CSMD3: variants seen among roughly 807,000 people sequenced by gnomAD.
The protein encoded by CSMD3 is CUB and sushi domain-containing protein 3.
In CSMD3, 177 loss-of-function variants were observed where a neutral mutation model predicts 435.2. That is an observed-to-expected ratio of 0.41 (90% CI 0.36 to 0.46). The LOEUF (loss-of-function observed/expected upper bound fraction) is 0.46, where lower values mean the gene tolerates loss of function less well. CSMD3 is among the 20% of genes least tolerant of loss of function. CSMD3 has a pLI of 0.34. For missense variants in CSMD3, 4,265 were observed against 4,504.6 expected, an observed-to-expected ratio of 0.95 and a Z score of 1.52; for synonymous variants, 1,656 against 1,520.5, an observed-to-expected ratio of 1.09 and a Z score of -2.07.
chr8:113,154,893 G>C (rs2091901900), intron 4 of CSMD3, among the ~76,000 whole-genome samples: 1 of 151,980 alleles, frequency 6.6e-6, no homozygotes, highest in African/African-American at 2.4e-5. Flanking sequence ...ATTCACATGT[G>C]AACATAAGAA....
intron 61 of CSMD3, among the ~76,000 whole-genome samples, chr8:112,261,738 T>G (rs1157574752): frequency 6.6e-6 from 1 of 151,970 alleles, no homozygotes; most frequent in Non-Finnish European, 1.5e-5. Context: ...TACCAACTAG[T>G]TTTGCAAGTG....
Position 112,369,999 on chromosome 8 carries a change from A to AGAG in CSMD3, c.6136+10352_6136+10353insCTC, listed in dbSNP as rs1268253661. ...AAGAAGAGAAAGAGGAAGAGGAAGA[A>AGAG]GAAGAGGAAGAGGAAGAAGAAGAGG... On this transcript the variant is annotated intron_variant, in intron 38 of 70. Transcript: ENST00000297405. Among the ~76,000 whole-genome samples, 95 of 119,542 alleles carry AGAG rather than the reference A, an allele frequency of 7.9e-4. 20 individuals carry two copies. The highest frequency in any genetic ancestry group is 3.0e-3 in the South Asian group (11 of 3,676). 78.4% of individuals were successfully genotyped at this position (119,542 alleles called of 152,430 possible).
At chr8:112,914,427 G>T (rs1208691456) in intron 10 of CSMD3, among the ~76,000 whole-genome samples, 5 of 151,716 alleles carry the variant, frequency 3.3e-5, no homozygotes, top group African/African-American at 9.7e-5. Context: ...GTGAGTATCT[G>T]CCATGTGCCA....
chr8:112,881,353 G>T (rs566728263), intron 10 of CSMD3, among the ~76,000 whole-genome samples: 1 of 152,088 alleles, frequency 6.6e-6, no homozygotes, highest in East Asian at 1.9e-4. Flanking sequence ...ATAATGGAAG[G>T]CATGGTAAAG....
chr8:112,722,987 A>G (rs2076891660), intron 13 of CSMD3, among the ~76,000 whole-genome samples: 1 of 151,960 alleles, frequency 6.6e-6, no homozygotes, highest in Non-Finnish European at 1.5e-5. Flanking sequence ...TTTAGATGAC[A>G]TATTTTTGTG....
chr8:112,979,860 T>C (rs375999105), intron 6 of CSMD3, among the ~76,000 whole-genome samples: 5 of 151,242 alleles, frequency 3.3e-5, no homozygotes, highest in East Asian at 3.9e-4. Flanking sequence ...AATATGAACT[T>C]ATCTGAAATA....
intron 38 of CSMD3, among the ~76,000 whole-genome samples, chr8:112,372,628 T>C (rs1393434636): frequency 1.3e-5 from 2 of 152,158 alleles, no homozygotes; most frequent in African/African-American, 2.4e-5. Flanking sequence ...GGAGGGCGGA[T>C]TGCCTGAGCA....
At chr8:112,957,896 C>A (rs1269113123) in intron 7 of CSMD3, among the ~76,000 whole-genome samples, 1 of 151,974 alleles carries the variant, frequency 6.6e-6, no homozygotes, top group South Asian at 2.1e-4. Flanking sequence ...CAAGCGCGCA[C>A]CACCGCGCCC....
chr8:112,600,735 G>T (rs1426764625), intron 22 of CSMD3, among the ~76,000 whole-genome samples: 1 of 151,698 alleles, frequency 6.6e-6, no homozygotes, highest in African/African-American at 2.4e-5. Flanking sequence ...ACCCATGCTG[G>T]AGTGCGATCT....
Position 112,685,550 on chromosome 8 carries a change from C to T in CSMD3, c.2338G>A (p.Gly780Ser), listed in dbSNP as rs763818324. The stretch of plus-strand genomic sequence containing the variant: ...AGAATTGGGGATTCTGGAGAGTCAC[C>T]ATCTTTAACAGCAAGGAAATCAAAC... ...SQFDFLAVKD[G>S]DSPESPILGT... Residue 780 changes from glycine to serine, a missense_variant, in exon 15 of 71, where the codon GGT becomes AGT. Coordinates refer to ENST00000297405, the MANE Select transcript of CSMD3 (RefSeq NM_198123.2). The T allele has an allele frequency of 1.2e-6, 2 of 1,613,988 alleles. No homozygotes were observed. The highest frequency in any genetic ancestry group is 1.7e-6 in the Non-Finnish European group (2 of 1,179,946).
At chr8:112,594,279 C>A (rs1831471353) in intron 22 of CSMD3, among the ~76,000 whole-genome samples, 1 of 152,188 alleles carries the variant, frequency 6.6e-6, no homozygotes, top group Non-Finnish European at 1.5e-5. Context: ...AAAATCGGGT[C>A]ACTCCCACTC....
chr8:112,223,304 C>T lies in CSMD3; in HGVS notation c.*1467G>A, dbSNP rs1218425159. On this transcript the variant is annotated 3_prime_UTR_variant, in exon 71 of 71. Transcript: ENST00000297405. ...ATGTTGTAGAGATAGAGCCAAGCAGCGCTCCCAGGTGCAAGGGTTTCTCTT... is the reference window on the plus strand; with the variant it reads ...ATGTTGTAGAGATAGAGCCAAGCAGTGCTCCCAGGTGCAAGGGTTTCTCTT... 2.5e-5 allele frequency: 9 copies of T among 358,066 alleles called. No individual in the cohort carries two copies. The highest frequency in any genetic ancestry group is 1.5e-4 in the South Asian group (1 of 6,604). The allele number at this position is 358,066 out of a possible 1,614,324, so 22.2% of individuals were successfully genotyped here.
intron 13 of CSMD3, among the ~76,000 whole-genome samples, chr8:112,784,502 C>A (rs987527725): frequency 2.0e-5 from 3 of 151,260 alleles, no homozygotes; most frequent in Non-Finnish European, 4.4e-5. Context: ...CAAAAAGAAG[C>A]AAAATAAACA....
chr8:112,587,059 C>A lies in CSMD3; in HGVS notation c.3885+7G>T, dbSNP rs774679650. On this transcript the variant is annotated splice_region_variant and intron_variant, in intron 23 of 70. Coordinates refer to ENST00000297405, the MANE Select transcript of CSMD3 (RefSeq NM_198123.2). ...AACAATATACAAGTATGTCTGAGTT[C>A]ACCTACCTTAAGAACATCTCCTTGT... 11 of 1,604,312 alleles carry A rather than the reference C, an allele frequency of 6.9e-6. No individual in the cohort carries two copies. In the South Asian group the frequency reaches 7.7e-5, roughly 11 times the overall value.
At chr8:112,501,944 C>T (rs989545751) in intron 30 of CSMD3, among the ~76,000 whole-genome samples, 8 of 151,926 alleles carry the variant, frequency 5.3e-5, no homozygotes, top group Admixed American at 2.6e-4. Context: ...CAGAAGGATA[C>T]ATACATAATA....
chr8:112,237,403 A>C, intron 66 of CSMD3, 55 bp from the exon 67 acceptor site: 5 of 1,232,648 alleles, frequency 4.1e-6, no homozygotes, highest in Non-Finnish European at 6.0e-6. Context: ...TATAAATATA[A>C]GCATTAAATA....
chr8:113,319,457 T>C (rs570947668), intron 1 of CSMD3, among the ~76,000 whole-genome samples: 1 of 152,150 alleles, frequency 6.6e-6, no homozygotes, highest in Admixed American at 6.5e-5. Context: ...TCTGGATATA[T>C]TAACCCCTTA....
At position 112,307,428 on chromosome 8, in the gene CSMD3, C is replaced by T. The variant is rs186498059; in HGVS notation, c.7886-1236G>A. On this transcript the variant is annotated intron_variant, in intron 50 of 70. Coordinates refer to ENST00000297405, the MANE Select transcript of CSMD3 (RefSeq NM_198123.2). The stretch of plus-strand genomic sequence containing the variant: ...TCCTGAGTATCTGGGACTACAGGCA[C>T]GCATCACCAGGTCCGGCTAATATTT... 1.8e-3 allele frequency among the ~76,000 whole-genome samples: 269 copies of T among 152,082 alleles called. 1 individual carries two copies. Among genetic ancestry groups the T allele is most frequent in the African/African-American group, 6.2e-3 (259 of 41,480 alleles).
intron 40 of CSMD3, among the ~76,000 whole-genome samples, chr8:112,346,812 G>A (rs1478357931): frequency 6.6e-6 from 1 of 150,834 alleles, no homozygotes; most frequent in Non-Finnish European, 1.5e-5. Flanking sequence ...CCGAGTAGCT[G>A]GGACTACAGG....
Sources: allele counts gnomAD v4.1 joint callset (sites outside exome capture counted in the v4.1 genomes callset), GRCh38; gene constraint gnomAD v4.1.1; transcripts MANE v1.5; gene names NCBI Gene and HGNC (gene_info 2026-07-23, HGNC 2026-07-21).